The following TBL1XR1 variants were observed in gnomAD, a reference collection of about 807,000 sequenced individuals.
TBL1XR1 encodes F-box-like/WD repeat-containing protein TBL1XR1.
Under a neutral mutation model 66.9 loss-of-function variants are expected in TBL1XR1, and 5 were observed. The observed-to-expected ratio is 0.07, with a 90% CI of 0.04 to 0.16. The LOEUF (loss-of-function observed/expected upper bound fraction) is 0.16, where lower values mean the gene tolerates loss of function less well. Ranked by LOEUF, TBL1XR1 falls within the 10% of genes least tolerant of loss-of-function variation. The probability of loss-of-function intolerance (pLI) is 1.00; values close to 1 mark genes in which losing one functional copy is unlikely to be tolerated. For missense variants in TBL1XR1, 238 were observed against 623.2 expected (o/e 0.38, Z 6.58); for synonymous variants, 210 against 206.0 (o/e 1.02, Z -0.17).
chr3:177,084,551 T>C (rs548481112), intron 2 of TBL1XR1, among the ~76,000 whole-genome samples: 1 of 152,390 alleles, frequency 6.6e-6, no homozygotes, highest in East Asian at 1.9e-4. Context: ...GATAATCCTT[T>C]TTCTTGGTTT....
intron 1 of TBL1XR1, among the ~76,000 whole-genome samples, chr3:177,172,261 C>CAAAAAA (rs35087965): frequency 3.1e-4 from 31 of 100,300 alleles, no homozygotes; most frequent in African/African-American, 1.2e-3. Context: ...ACTCCCACCT[C>CAAAAAA]AAAAAAAAAA....
chr3:177,086,145 T>C (rs990323751), intron 2 of TBL1XR1, among the ~76,000 whole-genome samples: 1 of 151,036 alleles, frequency 6.6e-6, no homozygotes, highest in Non-Finnish European at 1.5e-5. Flanking sequence ...TTAAATTATC[T>C]AGTAGCCACA....
At chr3:177,125,870 T>C (rs944678837) in intron 1 of TBL1XR1, 2 of 152,204 alleles carry the variant, frequency 1.3e-5, no homozygotes, top group African/African-American at 4.8e-5. Context: ...TTAATCAAAT[T>C]ATGGAATGGG....
intron 2 of TBL1XR1, among the ~76,000 whole-genome samples, chr3:177,095,696 T>A (rs778130626): frequency 6.6e-6 from 1 of 152,062 alleles, no homozygotes; most frequent in Non-Finnish European, 1.5e-5. Flanking sequence ...GCCAGGCTGG[T>A]CTCGAATTCC....
chr3:177,093,050 G>T (rs1181978928), intron 2 of TBL1XR1, among the ~76,000 whole-genome samples: 5 of 152,070 alleles, frequency 3.3e-5, no homozygotes, highest in Non-Finnish European at 5.9e-5. Context: ...TAATATAATT[G>T]TATACCTAGA....
chr3:177,184,619 T>C (rs1042303273), intron 1 of TBL1XR1, among the ~76,000 whole-genome samples: 2 of 152,138 alleles, frequency 1.3e-5, no homozygotes, highest in Non-Finnish European at 1.5e-5. Context: ...TTGTCCAACA[T>C]GGTGAAATCC....
At chr3:177,061,035 G>A (rs996080957) in intron 3 of TBL1XR1, among the ~76,000 whole-genome samples, 12 of 152,212 alleles carry the variant, frequency 7.9e-5, no homozygotes, top group Non-Finnish European at 1.8e-4. Flanking sequence ...GAGGACCAAA[G>A]TAATTTGCGT....
chr3:177,052,410 T>C (rs201876141), intron 4 of TBL1XR1, among the ~76,000 whole-genome samples: 1 of 152,222 alleles, frequency 6.6e-6, no homozygotes, highest in East Asian at 1.9e-4. Flanking sequence ...CATGTACCAG[T>C]GACAATCTAC....
chr3:177,151,205 A>AG (rs1730844079), intron 1 of TBL1XR1, among the ~76,000 whole-genome samples: 1 of 152,226 alleles, frequency 6.6e-6, no homozygotes, highest in Non-Finnish European at 1.5e-5. Context: ...TGAGAGCCAC[A>AG]CATTTTTCAC....
intron 1 of TBL1XR1, chr3:177,126,013 A>G (rs984539321): frequency 6.6e-6 from 1 of 152,216 alleles, no homozygotes; most frequent in Non-Finnish European, 1.5e-5. Flanking sequence ...TGCAGTGCGT[A>G]ATAAAAAATA....
chr3:177,150,353 C>T (rs1359024652), intron 1 of TBL1XR1, among the ~76,000 whole-genome samples: 2 of 152,120 alleles, frequency 1.3e-5, no homozygotes, highest in Non-Finnish European at 2.9e-5. Context: ...TCCTCAATTC[C>T]TTAAAACTCG....
chr3:177,130,819 G>A (rs976661861), intron 1 of TBL1XR1, among the ~76,000 whole-genome samples: 13 of 152,106 alleles, frequency 8.5e-5, no homozygotes, highest in African/African-American at 3.1e-4. Context: ...GAAATGTTTT[G>A]AAAGAAAAGG....
chr3:177,047,228 G>T, intron 9 of TBL1XR1, 72 bp downstream of exon 9: 1 of 1,278,270 alleles, frequency 7.8e-7, no homozygotes, highest in Non-Finnish European at 1.1e-6. Context: ...GTAATTGGCA[G>T]CTAAGACAAA....
At position 177,020,903 on chromosome 3, in the gene TBL1XR1, TTG is replaced by T; in HGVS notation, c.*4593_*4594del. On this transcript the variant is annotated 3_prime_UTR_variant, in exon 16 of 16. Transcript: ENST00000457928. ...TAAAAGGGTCACTGGGGACAAATCA[TTG>T]TGATGTGGAACTAAAATACGTCGTA... The T allele has an allele frequency of 6.6e-6, 1 of 152,282 alleles. No homozygotes were observed. The highest frequency in any genetic ancestry group is 1.9e-4 in the East Asian group (1 of 5,194). 9.4% of individuals were successfully genotyped at this position (152,282 alleles called of 1,614,324 possible).
intron 1 of TBL1XR1, among the ~76,000 whole-genome samples, chr3:177,150,723 C>T (rs1354701001): frequency 2.6e-5 from 4 of 152,212 alleles, no homozygotes; most frequent in Non-Finnish European, 5.9e-5. Flanking sequence ...GTGTAGGCCT[C>T]TGTTTAGGTG....
At chr3:177,175,665 A>C (rs1398604132) in intron 1 of TBL1XR1, among the ~76,000 whole-genome samples, 2 of 152,238 alleles carry the variant, frequency 1.3e-5, no homozygotes, top group Non-Finnish European at 2.9e-5. Context: ...TTAAGGATGA[A>C]GCAACTGAAA....
chr3:177,089,719 T>C (rs923355911), intron 2 of TBL1XR1, among the ~76,000 whole-genome samples: 1 of 152,212 alleles, frequency 6.6e-6, no homozygotes, highest in Non-Finnish European at 1.5e-5. Context: ...GGGATGACTA[T>C]ACAAACAGAA....
intron 1 of TBL1XR1, among the ~76,000 whole-genome samples, chr3:177,108,140 T>C (rs576493195): frequency 3.3e-5 from 5 of 152,286 alleles, no homozygotes; most frequent in East Asian, 1.9e-4. Flanking sequence ...AAGAAGCTTT[T>C]AGGTTAAATG....
At chr3:177,050,690 A>AT in intron 5 of TBL1XR1, 80 bp from the exon 6 acceptor site, 1 of 1,506,212 alleles carries the variant, frequency 6.6e-7, no homozygotes, top group Non-Finnish European at 9.2e-7. Flanking sequence ...TAACTAGCAA[A>AT]TACCTTCCTT....
Sources: gnomAD v4.1 joint callset for allele counts (sites outside exome capture counted in the v4.1 genomes callset) on GRCh38, gnomAD v4.1.1 for gene constraint, MANE v1.5 for transcripts, NCBI Gene and HGNC (gene_info 2026-07-23, HGNC 2026-07-21) for gene names.